The following MAML2 variants were observed in gnomAD, a reference collection of about 807,000 sequenced individuals.
The protein encoded by MAML2 is mastermind-like protein 2.
MAML2 carries 22 observed loss-of-function variants against 96.1 expected under a neutral mutation model. That is an observed-to-expected ratio of 0.23 (90% CI 0.16 to 0.33). MAML2 has a LOEUF of 0.33. Among genes scored for constraint, MAML2 ranks in the 10% least tolerant of loss-of-function variants. MAML2 has a pLI of 1.00. For synonymous variants in MAML2, 561 were observed against 521.3 expected, an observed-to-expected ratio of 1.08 and a Z score of -1.04; for missense variants, 1,367 against 1,392.4, an observed-to-expected ratio of 0.98 and a Z score of 0.29.
At chr11:96,243,757 C>A (rs979842782) in intron 1 of MAML2, among the ~76,000 whole-genome samples, 14 of 151,704 alleles carry the variant, frequency 9.2e-5, no homozygotes, top group African/African-American at 3.2e-4. Context: ...AGGTTCATGC[C>A]ATTCTCCTGC....
intron 2 of MAML2, among the ~76,000 whole-genome samples, chr11:96,017,456 C>T (rs1260451176): frequency 6.7e-6 from 1 of 149,878 alleles, no homozygotes; most frequent in Non-Finnish European, 1.5e-5. Flanking sequence ...CCTACTGTGC[C>T]TACAATAATA....
chr11:96,335,495 T>A (rs73531181), intron 1 of MAML2, among the ~76,000 whole-genome samples: 6,316 of 152,234 alleles, frequency 0.041, 301 homozygotes, highest in African/African-American at 0.11. Flanking sequence ...TAAAACTATG[T>A]CCTTTTAGTG....
intron 1 of MAML2, among the ~76,000 whole-genome samples, chr11:96,179,209 A>G (rs1418642091): frequency 6.6e-6 from 1 of 152,238 alleles, no homozygotes; most frequent in Non-Finnish European, 1.5e-5. Context: ...CCGGCTCATT[A>G]TAACTAGATA....
intron 2 of MAML2, among the ~76,000 whole-genome samples, chr11:96,003,769 T>C (rs1858134420): frequency 6.6e-6 from 1 of 152,212 alleles, no homozygotes; most frequent in Non-Finnish European, 1.5e-5. Context: ...TTGATATTAA[T>C]TGAATATCAT....
At chr11:96,185,470 G>A (rs974136723) in intron 1 of MAML2, among the ~76,000 whole-genome samples, 1 of 152,184 alleles carries the variant, frequency 6.6e-6, no homozygotes, top group African/African-American at 2.4e-5. Context: ...TGAGCGCTGG[G>A]TCTTCCACAG....
At chr11:96,181,736 A>G (rs993590680) in intron 1 of MAML2, among the ~76,000 whole-genome samples, 1 of 116,036 alleles carries the variant, frequency 8.6e-6, no homozygotes, top group African/African-American at 3.5e-5. Flanking sequence ...TGACCATCAT[A>G]TCCCAAACTG....
At chr11:96,123,463 C>T (rs1288027093) in intron 1 of MAML2, among the ~76,000 whole-genome samples, 1 of 152,214 alleles carries the variant, frequency 6.6e-6, no homozygotes, top group Non-Finnish European at 1.5e-5. Flanking sequence ...GGCAATTTAC[C>T]ATTTGCCTTT....
chr11:96,209,238 TG>T (rs926471059), intron 1 of MAML2, among the ~76,000 whole-genome samples: 5 of 80,060 alleles, frequency 6.2e-5, no homozygotes, highest in African/African-American at 5.0e-5. Context: ...GGGTGGGGGG[TG>T]GGGGGGCAGT....
chr11:96,192,912 A>G (rs1261144707), intron 1 of MAML2, among the ~76,000 whole-genome samples: 1 of 152,218 alleles, frequency 6.6e-6, no homozygotes, highest in Non-Finnish European at 1.5e-5. Context: ...AGCAGAATTG[A>G]ACTATTTTAA....
At chr11:96,313,794 CATCCTCATGAAG>C (rs1195857986) in intron 1 of MAML2, among the ~76,000 whole-genome samples, 4 of 152,106 alleles carry the variant, frequency 2.6e-5, no homozygotes. Flanking sequence ...CAAATATACC[CATCCTCATGAAG>C]GTCCTCATAC....
At position 96,169,492 on chromosome 11, in the gene MAML2, G is replaced by A. The variant is rs75649461; in HGVS notation, c.514-75975C>T. On this transcript the variant is annotated intron_variant, in intron 1 of 4. Transcript: ENST00000524717. Reference sequence around the variant, plus strand: ...CTCCTTCTAAAAAAGTCCTGCTGAGGTCATCTGTAGGAAGTAACCTGGTCA... The same window carrying A: ...CTCCTTCTAAAAAAGTCCTGCTGAGATCATCTGTAGGAAGTAACCTGGTCA... Among the ~76,000 whole-genome samples, 976 of 152,300 alleles carry A rather than the reference G, an allele frequency of 6.4e-3. 10 individuals are homozygous for A. The highest frequency in any genetic ancestry group is 0.022 in the African/African-American group (931 of 41,572).
intron 1 of MAML2, among the ~76,000 whole-genome samples, chr11:96,216,223 A>G (rs1299866497): frequency 6.6e-6 from 1 of 152,184 alleles, no homozygotes. Context: ...AGAGGGAAGA[A>G]CCAGGAAGAT....
At chr11:96,227,621 C>T (rs1193385632) in intron 1 of MAML2, among the ~76,000 whole-genome samples, 1 of 152,218 alleles carries the variant, frequency 6.6e-6, no homozygotes, top group East Asian at 1.9e-4. Flanking sequence ...TTGCTCCTCT[C>T]TGAGATTCAT....
intron 1 of MAML2, among the ~76,000 whole-genome samples, chr11:96,304,018 C>A (rs1163032175): frequency 6.6e-6 from 1 of 152,230 alleles, no homozygotes; most frequent in Non-Finnish European, 1.5e-5. Flanking sequence ...GGCCCTCAAT[C>A]TTTATCCATT....
chr11:96,196,319 A>G (rs770181458), intron 1 of MAML2, among the ~76,000 whole-genome samples: 10 of 152,234 alleles, frequency 6.6e-5, no homozygotes, highest in Non-Finnish European at 1.2e-4. Flanking sequence ...TGTCATTTTC[A>G]GTCAGCTTCA....
chr11:96,202,915 A>C (rs1156850669), intron 1 of MAML2, among the ~76,000 whole-genome samples: 1 of 152,212 alleles, frequency 6.6e-6, no homozygotes, highest in African/African-American at 2.4e-5. Context: ...GGTATGAGCC[A>C]TCACGTCTAG....
intron 1 of MAML2, among the ~76,000 whole-genome samples, chr11:96,255,865 C>CTTTT (rs141609329): frequency 4.1e-4 from 32 of 77,936 alleles, no homozygotes; most frequent in East Asian, 1.9e-3. Flanking sequence ...CCCCCACCGC[C>CTTTT]TTTTTTTTTT....
intron 1 of MAML2, among the ~76,000 whole-genome samples, chr11:96,248,566 T>C (rs2135965278): frequency 6.6e-6 from 1 of 152,268 alleles, no homozygotes; most frequent in East Asian, 1.9e-4. Context: ...CCCCCTCCTC[T>C]TTCCCACCCA....
chr11:96,297,098 C>A (rs1863314331), intron 1 of MAML2, among the ~76,000 whole-genome samples: 1 of 152,078 alleles, frequency 6.6e-6, no homozygotes, highest in African/African-American at 2.4e-5. Flanking sequence ...ACCTCAATGA[C>A]CACTTCAGCT....
Sources: allele counts gnomAD v4.1 joint callset (sites outside exome capture counted in the v4.1 genomes callset), GRCh38; gene constraint gnomAD v4.1.1; transcripts MANE v1.5; gene names NCBI Gene and HGNC (gene_info 2026-07-23, HGNC 2026-07-21).